The following POU6F2 variants were observed in gnomAD, a reference collection of about 807,000 sequenced individuals.
POU6F2 encodes POU class 6 homeobox 2, also known as POU domain, class 6, transcription factor 2.
POU6F2 carries 31 observed loss-of-function variants against 71.3 expected under a neutral mutation model. That is an observed-to-expected ratio of 0.43 (90% CI 0.33 to 0.59). POU6F2 has a LOEUF of 0.59. Ranked by LOEUF, POU6F2 falls within the 20% of genes least tolerant of loss-of-function variation. The probability of loss-of-function intolerance (pLI) is 0.04; values close to 1 mark genes in which losing one functional copy is unlikely to be tolerated. For missense variants in POU6F2, 783 were observed against 856.8 expected (o/e 0.91, Z 1.07); for synonymous variants, 347 against 355.7 (o/e 0.98, Z 0.27).
chr7:39,387,579 A>G (rs541464759), intron 5 of POU6F2, among the ~76,000 whole-genome samples: 4 of 152,336 alleles, frequency 2.6e-5, no homozygotes, highest in Admixed American at 6.5e-5. Context: ...TGCGCATTCC[A>G]TCCACATGAA....
At chr7:39,398,339 G>A (rs1251062959) in intron 5 of POU6F2, among the ~76,000 whole-genome samples, 3 of 150,964 alleles carry the variant, frequency 2.0e-5, no homozygotes, top group African/African-American at 7.3e-5. Flanking sequence ...ATGGAGAATT[G>A]AAGGGTTTCT....
intron 4 of POU6F2, among the ~76,000 whole-genome samples, chr7:39,227,427 A>C (rs1397015472): frequency 6.6e-6 from 1 of 152,160 alleles, no homozygotes; most frequent in Non-Finnish European, 1.5e-5. Flanking sequence ...CTGTAACTAC[A>C]GAGGTGCTTC....
intron 4 of POU6F2, among the ~76,000 whole-genome samples, chr7:39,324,152 C>G (rs1351494910): frequency 2.7e-5 from 4 of 147,126 alleles, no homozygotes; most frequent in Admixed American, 1.4e-4. Context: ...GTGATGCAGA[C>G]AAGACAAAAT....
chr7:38,984,580 A>G (rs1349122883), intron 1 of POU6F2, among the ~76,000 whole-genome samples: 1 of 152,194 alleles, frequency 6.6e-6, no homozygotes, highest in Non-Finnish European at 1.5e-5. Context: ...TAGCACAGGA[A>G]AACTAGAATT....
intron 6 of POU6F2, among the ~76,000 whole-genome samples, chr7:39,413,847 C>A (rs1787610025): frequency 6.6e-6 from 1 of 152,176 alleles, no homozygotes; most frequent in Non-Finnish European, 1.5e-5. Context: ...CCCCTTAGAG[C>A]CCAGTTGAGA....
chr7:39,029,419 G>T (rs1278389111), intron 1 of POU6F2, among the ~76,000 whole-genome samples: 2 of 151,534 alleles, frequency 1.3e-5, no homozygotes, highest in African/African-American at 4.9e-5. Context: ...TGATAGTGAG[G>T]TTAAGCATAT....
intron 1 of POU6F2, among the ~76,000 whole-genome samples, chr7:39,080,667 T>A (rs921485590): frequency 6.6e-6 from 1 of 152,202 alleles, no homozygotes; most frequent in Non-Finnish European, 1.5e-5. Context: ...CCTGTGTTAT[T>A]TGCATTTTCC....
At chr7:39,225,338 A>AT (rs935733217) in intron 4 of POU6F2, among the ~76,000 whole-genome samples, 17 of 152,018 alleles carry the variant, frequency 1.1e-4, no homozygotes, top group African/African-American at 3.4e-4. Context: ...TTTATAATAC[A>AT]TTTTTTTTGG....
At chr7:39,137,130 A>G (rs1792404489) in intron 2 of POU6F2, among the ~76,000 whole-genome samples, 1 of 152,314 alleles carries the variant, frequency 6.6e-6, no homozygotes, top group African/African-American at 2.4e-5. Context: ...TCAGAAAGCT[A>G]AAAGAGGATT....
At chr7:39,356,880 G>A (rs1349386172) in intron 5 of POU6F2, among the ~76,000 whole-genome samples, 1 of 152,128 alleles carries the variant, frequency 6.6e-6, no homozygotes, top group South Asian at 2.1e-4. Flanking sequence ...TGGGAAATGG[G>A]GGCTTGATTT....
At chr7:39,140,286 A>C (rs1397142652) in intron 2 of POU6F2, among the ~76,000 whole-genome samples, 1 of 152,228 alleles carries the variant, frequency 6.6e-6, no homozygotes, top group Non-Finnish European at 1.5e-5. Context: ...TGGCAGAGTG[A>C]ATAGCATATG....
At chr7:39,322,428 C>A (rs1026223340) in intron 4 of POU6F2, among the ~76,000 whole-genome samples, 3 of 152,190 alleles carry the variant, frequency 2.0e-5, no homozygotes, top group African/African-American at 7.2e-5. Context: ...TGTTTCTCTC[C>A]AGATTGAGTG....
At chr7:39,274,882 G>A (rs1262942731) in intron 4 of POU6F2, among the ~76,000 whole-genome samples, 2 of 151,642 alleles carry the variant, frequency 1.3e-5, no homozygotes, top group Non-Finnish European at 2.9e-5. Context: ...AGTAAATTAG[G>A]TATTGATGGG....
intron 4 of POU6F2, among the ~76,000 whole-genome samples, chr7:39,236,458 C>T (rs1794679065): frequency 6.6e-6 from 1 of 152,090 alleles, no homozygotes; most frequent in Non-Finnish European, 1.5e-5. Flanking sequence ...GTTAAAGCAT[C>T]AGCCCCAACC....
intron 2 of POU6F2, among the ~76,000 whole-genome samples, chr7:39,166,786 G>A (rs1457059353): frequency 6.6e-6 from 1 of 152,146 alleles, no homozygotes; most frequent in East Asian, 1.9e-4. Context: ...CCTCGCCCTA[G>A]TAAGGCAGAA....
intron 2 of POU6F2, among the ~76,000 whole-genome samples, chr7:39,180,498 C>T (rs1793414918): frequency 6.6e-6 from 1 of 152,166 alleles, no homozygotes; most frequent in African/African-American, 2.4e-5. Flanking sequence ...CTAATTACTG[C>T]CTCCACCAGG....
intron 1 of POU6F2, among the ~76,000 whole-genome samples, chr7:39,028,903 C>T (rs943293312): frequency 2.0e-5 from 3 of 152,114 alleles, no homozygotes; most frequent in Non-Finnish European, 4.4e-5. Context: ...CTCCCAGGCT[C>T]AAGCAATCCT....
chr7:39,019,359 C>A (rs559717524), intron 1 of POU6F2, among the ~76,000 whole-genome samples: 10 of 152,100 alleles, frequency 6.6e-5, no homozygotes, highest in African/African-American at 2.4e-4. Flanking sequence ...TCTTTGGAAG[C>A]TTTTAGGACC....
chr7:39,256,130 T>TA (rs1784016891), intron 4 of POU6F2, among the ~76,000 whole-genome samples: 2 of 121,750 alleles, frequency 1.6e-5, no homozygotes, highest in South Asian at 5.1e-4. Context: ...GATTGTCTGA[T>TA]ACACTGCTTT....
Sources: gnomAD v4.1 joint callset for allele counts (sites outside exome capture counted in the v4.1 genomes callset) on GRCh38, gnomAD v4.1.1 for gene constraint, MANE v1.5 for transcripts, NCBI Gene and HGNC (gene_info 2026-07-23, HGNC 2026-07-21) for gene names.